Variants in LSAMP observed in about 807,000 individuals in gnomAD.
The protein encoded by LSAMP is limbic system associated membrane protein.
In LSAMP, 7 loss-of-function variants were observed where a neutral mutation model predicts 38.6. The ratio of observed to expected loss-of-function variants is 0.18; its 90% CI spans 0.10 to 0.34. The LOEUF is 0.34. LSAMP is among the 10% of genes least tolerant of loss of function. LSAMP has a pLI of 1.00. For missense variants in LSAMP, 313 were observed against 420.0 expected, an observed-to-expected ratio of 0.75 and a Z score of 2.23; for synonymous variants, 154 against 166.8, an observed-to-expected ratio of 0.92 and a Z score of 0.59.
At chr3:115,994,721 T>C (rs540646741) in intron 3 of LSAMP, among the ~76,000 whole-genome samples, 3 of 152,254 alleles carry the variant, frequency 2.0e-5, no homozygotes, top group African/African-American at 7.2e-5. Context: ...TGTTTTATAC[T>C]AGAATGAAAA....
At chr3:116,189,854 T>C (rs930600698) in intron 1 of LSAMP, among the ~76,000 whole-genome samples, 4 of 152,112 alleles carry the variant, frequency 2.6e-5, no homozygotes, top group Non-Finnish European at 5.9e-5. Flanking sequence ...TACAGAAAGA[T>C]GAAACAATCA....
At chr3:116,234,891 CAAAT>C (rs921825494) in intron 1 of LSAMP, among the ~76,000 whole-genome samples, 2 of 152,056 alleles carry the variant, frequency 1.3e-5, no homozygotes, top group Non-Finnish European at 2.9e-5. Context: ...TTGGAACACT[CAAAT>C]AATAATATGC....
chr3:115,840,819 A>G (rs1934974097), intron 6 of LSAMP, among the ~76,000 whole-genome samples: 1 of 151,706 alleles, frequency 6.6e-6, no homozygotes, highest in Admixed American at 6.5e-5. Context: ...AGTTTTTCCA[A>G]TAGAATCTGT....
intron 4 of LSAMP, 149 bp downstream of exon 4, chr3:115,852,334 G>T: frequency 2.5e-6 from 2 of 809,410 alleles, no homozygotes; most frequent in Non-Finnish European, 3.6e-6. Flanking sequence ...TCCTGCCCTT[G>T]GATGTGTTCA....
chr3:115,974,703 A>T (rs1043007439), intron 3 of LSAMP, among the ~76,000 whole-genome samples: 4 of 152,216 alleles, frequency 2.6e-5, no homozygotes, highest in African/African-American at 9.6e-5. Flanking sequence ...GAAGGGGTGA[A>T]AAAATGACTA....
chr3:116,288,341 C>T (rs137991885), intron 1 of LSAMP, among the ~76,000 whole-genome samples: 1,617 of 152,234 alleles, frequency 0.011, 24 homozygotes, highest in African/African-American at 0.034. Context: ...GAGAAGGTAT[C>T]GTTAATTGTG....
intron 1 of LSAMP, among the ~76,000 whole-genome samples, chr3:116,212,850 T>G (rs1041404976): frequency 1.3e-5 from 2 of 152,172 alleles, no homozygotes; most frequent in Non-Finnish European, 2.9e-5. Flanking sequence ...ATGGGAGCAG[T>G]AGACCACAGG....
At chr3:116,382,583 A>G (rs2048575203) in intron 1 of LSAMP, among the ~76,000 whole-genome samples, 1 of 151,954 alleles carries the variant, frequency 6.6e-6, no homozygotes, top group South Asian at 2.1e-4. Context: ...CAGCACACCA[A>G]CATGGCACAT....
chr3:116,229,833 C>T (rs2046382642), intron 1 of LSAMP, among the ~76,000 whole-genome samples: 1 of 151,960 alleles, frequency 6.6e-6, no homozygotes, highest in African/African-American at 2.4e-5. Flanking sequence ...TCAGATTGTA[C>T]AGGGGGCACA....
At chr3:116,091,997 G>A (rs1464951135) in intron 1 of LSAMP, among the ~76,000 whole-genome samples, 7 of 152,112 alleles carry the variant, frequency 4.6e-5, no homozygotes, top group Non-Finnish European at 8.8e-5. Flanking sequence ...TTGCATTAGA[G>A]TTATTTGCAC....
intron 1 of LSAMP, among the ~76,000 whole-genome samples, chr3:116,226,725 G>A (rs76334507): frequency 0.022 from 3,418 of 152,336 alleles, 62 homozygotes; most frequent in Middle Eastern, 0.068. Flanking sequence ...GCTTCACTTT[G>A]TGTGTGTCGT....
At chr3:115,842,404 G>T in intron 5 of LSAMP, 54 bp downstream of exon 5, 5 of 1,576,482 alleles carry the variant, frequency 3.2e-6, no homozygotes, top group Non-Finnish European at 2.6e-6. Flanking sequence ...GGGGATTCTG[G>T]TGTCCCCAGG....
Position 115,970,023 on chromosome 3 carries a change from TC to T in LSAMP, c.514+49491del, listed in dbSNP as rs369472014. ...TATATAACTGATTAATGACAATACT[TC>T]TGAGAGGTTGGAAGATGAGACATAG... On this transcript the variant is annotated intron_variant, in intron 3 of 6. Transcript: ENST00000490035. 4.3e-3 allele frequency among the ~76,000 whole-genome samples: 647 copies of T among 152,232 alleles called. 2 individuals carry two copies. The highest frequency in any genetic ancestry group is 0.015 in the African/African-American group (622 of 41,532).
At chr3:116,060,554 A>G (rs1001787715) in intron 2 of LSAMP, among the ~76,000 whole-genome samples, 2 of 152,202 alleles carry the variant, frequency 1.3e-5, no homozygotes, top group Admixed American at 1.3e-4. Flanking sequence ...TGAGGTCGGG[A>G]GTTCGAGACC....
At chr3:116,123,965 A>G (rs1708946484) in intron 1 of LSAMP, among the ~76,000 whole-genome samples, 1 of 152,180 alleles carries the variant, frequency 6.6e-6, no homozygotes, top group Non-Finnish European at 1.5e-5. Flanking sequence ...GGATAAAAAG[A>G]CTGTTCACTC....
intron 1 of LSAMP, among the ~76,000 whole-genome samples, chr3:116,308,342 G>A (rs572329016): frequency 2.6e-5 from 4 of 152,020 alleles, no homozygotes; most frequent in Middle Eastern, 3.4e-3. Context: ...CTCTTTCCCC[G>A]GAGGAATGTG....
chr3:116,336,957 T>C (rs191105793), intron 1 of LSAMP, among the ~76,000 whole-genome samples: 16 of 151,346 alleles, frequency 1.1e-4, no homozygotes, highest in Admixed American at 4.6e-4. Context: ...CACACACACA[T>C]ATATATATGT....
chr3:115,824,617 G>A (rs375321685), intron 6 of LSAMP, among the ~76,000 whole-genome samples: 5 of 151,540 alleles, frequency 3.3e-5, no homozygotes, highest in Non-Finnish European at 5.9e-5. Flanking sequence ...CAGGAGAATC[G>A]CTGGAACCCA....
chr3:115,851,813 C>G (rs551758622), intron 4 of LSAMP, among the ~76,000 whole-genome samples: 4 of 152,158 alleles, frequency 2.6e-5, no homozygotes, highest in Non-Finnish European at 4.4e-5. Context: ...TGCTGGGTGA[C>G]ACACATCATA....
Sources: gnomAD v4.1 joint callset for allele counts (sites outside exome capture counted in the v4.1 genomes callset) on GRCh38, gnomAD v4.1.1 for gene constraint, MANE v1.5 for transcripts, NCBI Gene and HGNC (gene_info 2026-07-23, HGNC 2026-07-21) for gene names.